The following SLC25A21 variants were observed in gnomAD, a reference collection of about 807,000 sequenced individuals.
SLC25A21 encodes mitochondrial 2-oxodicarboxylate carrier.
SLC25A21 carries 47 observed loss-of-function variants against 43.8 expected under a neutral mutation model. That is an observed-to-expected ratio of 1.07 (90% CI 0.85 to 1.37). SLC25A21 has a LOEUF of 1.37. Among genes scored for constraint, SLC25A21 ranks in the 40% most tolerant of loss-of-function variants. The pLI, the probability that SLC25A21 is intolerant of heterozygous loss-of-function variation, is 0.00. For missense variants in SLC25A21, 352 were observed against 350.2 expected (o/e 1.00, Z -0.04); for synonymous variants, 131 against 121.3 (o/e 1.08, Z -0.52).
chr14:37,103,742 A>G (rs1014016428), intron 1 of SLC25A21, among the ~76,000 whole-genome samples: 1 of 152,142 alleles, frequency 6.6e-6, no homozygotes, highest in African/African-American at 2.4e-5. Flanking sequence ...AAAAGTCCCA[A>G]GCCTCAACTG....
Position 36,816,643 on chromosome 14 carries a change from G to A in SLC25A21, c.120-2642C>T, listed in dbSNP as rs542007639. ...TCAGCCTCCCGAGCTGGGACTACAG[G>A]CATGCACCATCATGCCTAGCTAATT... On this transcript the variant is annotated intron_variant, in intron 2 of 9. Transcript: ENST00000331299. Among the ~76,000 whole-genome samples the A allele has an allele frequency of 7.2e-4, 109 of 151,916 alleles. 1 individual carries two copies. Among genetic ancestry groups the A allele is most frequent in the African/African-American group, 2.3e-3 (95 of 41,436 alleles).
chr14:37,035,044 T>C (rs1012178347), intron 1 of SLC25A21, among the ~76,000 whole-genome samples: 5 of 152,202 alleles, frequency 3.3e-5, no homozygotes, highest in South Asian at 4.1e-4. Flanking sequence ...CTCTGAATCT[T>C]TGCTAGAGTC....
chr14:36,690,998 T>A (rs1882772623), intron 7 of SLC25A21, among the ~76,000 whole-genome samples: 1 of 152,200 alleles, frequency 6.6e-6, no homozygotes, highest in Admixed American at 6.5e-5. Context: ...CTGAGTCAGG[T>A]ACTGGGTTAA....
At chr14:36,995,120 A>T (rs1960343987) in intron 1 of SLC25A21, among the ~76,000 whole-genome samples, 1 of 152,174 alleles carries the variant, frequency 6.6e-6, no homozygotes, top group African/African-American at 2.4e-5. Context: ...GTCTCGTTAT[A>T]CCTCTCAAAG....
intron 2 of SLC25A21, among the ~76,000 whole-genome samples, chr14:36,860,711 A>C (rs1291221729): frequency 6.6e-6 from 1 of 152,234 alleles, no homozygotes; most frequent in African/African-American, 2.4e-5. Flanking sequence ...ACTTTTCAAA[A>C]TTTAAAAGAA....
chr14:37,147,150 C>T (rs1239024066), intron 1 of SLC25A21, among the ~76,000 whole-genome samples: 2 of 152,020 alleles, frequency 1.3e-5, no homozygotes, highest in African/African-American at 4.8e-5. Flanking sequence ...TGAAAGAGAC[C>T]CAAGACTCTT....
intron 1 of SLC25A21, among the ~76,000 whole-genome samples, chr14:36,977,100 T>G (rs1464678588): frequency 2.6e-5 from 4 of 152,254 alleles, no homozygotes; most frequent in Non-Finnish European, 5.9e-5. Flanking sequence ...ATTTTTCTAT[T>G]GAGGAGTTTG....
At chr14:36,862,820 G>A (rs1320268826) in intron 2 of SLC25A21, among the ~76,000 whole-genome samples, 3 of 152,072 alleles carry the variant, frequency 2.0e-5, no homozygotes, top group African/African-American at 7.2e-5. Context: ...AAAATATCCC[G>A]TTTGTTTTTA....
intron 3 of SLC25A21, among the ~76,000 whole-genome samples, chr14:36,775,118 T>C (rs1437368233): frequency 6.6e-6 from 1 of 152,204 alleles, no homozygotes; most frequent in African/African-American, 2.4e-5. Flanking sequence ...AATAGTTGCA[T>C]ATGGAGAATT....
intron 3 of SLC25A21, among the ~76,000 whole-genome samples, chr14:36,763,521 C>G (rs1009973187): frequency 1.3e-5 from 2 of 152,144 alleles, no homozygotes; most frequent in Non-Finnish European, 2.9e-5. Flanking sequence ...GGAAGGGAAA[C>G]AGGAAGAACT....
At chr14:37,166,059 T>C (rs1323830704) in intron 1 of SLC25A21, among the ~76,000 whole-genome samples, 1 of 152,186 alleles carries the variant, frequency 6.6e-6, no homozygotes, top group Non-Finnish European at 1.5e-5. Flanking sequence ...TCAATCCATT[T>C]GGTGTCTTTG....
intron 3 of SLC25A21, among the ~76,000 whole-genome samples, chr14:36,796,673 T>G (rs1426289650): frequency 6.6e-6 from 1 of 152,094 alleles, no homozygotes; most frequent in African/African-American, 2.4e-5. Flanking sequence ...GGCGGCAAGA[T>G]TCTGACATTT....
chr14:37,017,413 T>C (rs1960881365), intron 1 of SLC25A21, among the ~76,000 whole-genome samples: 1 of 152,116 alleles, frequency 6.6e-6, no homozygotes, highest in Admixed American at 6.6e-5. Context: ...GTTTTACATG[T>C]ACATGGTTCA....
chr14:36,917,740 A>T (rs1891869409), intron 1 of SLC25A21, among the ~76,000 whole-genome samples: 1 of 152,156 alleles, frequency 6.6e-6, no homozygotes, highest in Non-Finnish European at 1.5e-5. Context: ...TATTATTTAT[A>T]AAAAAGAAAA....
intron 1 of SLC25A21, among the ~76,000 whole-genome samples, chr14:37,032,209 G>A (rs1252217733): frequency 1.3e-5 from 2 of 152,128 alleles, no homozygotes; most frequent in Non-Finnish European, 2.9e-5. Context: ...CATGCTTTCT[G>A]AATTCCTAAA....
chr14:36,755,171 T>C (rs1251638598), intron 3 of SLC25A21, among the ~76,000 whole-genome samples: 1 of 152,174 alleles, frequency 6.6e-6, no homozygotes, highest in Non-Finnish European at 1.5e-5. Context: ...TAATAATGAA[T>C]GAGGACAAAT....
intron 2 of SLC25A21, among the ~76,000 whole-genome samples, chr14:36,843,586 C>T (rs564428462): frequency 6.6e-6 from 1 of 150,822 alleles, no homozygotes; most frequent in East Asian, 2.0e-4. Context: ...AGATACATAA[C>T]ATGACAATAT....
intron 1 of SLC25A21, among the ~76,000 whole-genome samples, chr14:37,008,422 G>A (rs149301370): frequency 2.6e-4 from 40 of 152,286 alleles, no homozygotes; most frequent in African/African-American, 8.9e-4. Context: ...CCTACAGAAA[G>A]TGACAAAGGA....
At chr14:36,780,370 A>C (rs1020758357) in intron 3 of SLC25A21, among the ~76,000 whole-genome samples, 5 of 151,888 alleles carry the variant, frequency 3.3e-5, no homozygotes, top group Admixed American at 1.3e-4. Context: ...AGCTCCTACT[A>C]CTTTTGCCCT....
Sources: allele counts gnomAD v4.1 joint callset (sites outside exome capture counted in the v4.1 genomes callset), GRCh38; gene constraint gnomAD v4.1.1; transcripts MANE v1.5; gene names NCBI Gene and HGNC (gene_info 2026-07-23, HGNC 2026-07-21).